Variants in BLM observed in about 807,000 individuals in gnomAD.
BLM encodes the protein recQ-like DNA helicase BLM.
A neutral mutation model predicts 135.3 loss-of-function variants in BLM; 95 were observed. The observed-to-expected ratio is 0.70, with a 90% confidence interval of 0.59 to 0.83. The LOEUF (loss-of-function observed/expected upper bound fraction) is 0.83. Ranked by LOEUF, BLM falls within the 40% of genes least tolerant of loss-of-function variation. BLM has a pLI of 0.00. For synonymous variants in BLM, 520 were observed against 589.2 expected (o/e 0.88, Z 1.70); for missense variants, 1,518 against 1,663.9 (o/e 0.91, Z 1.53).
chr15:90,773,095 C>CAAAAAA (rs780966709), intron 12 of BLM, among the ~76,000 whole-genome samples: 1 of 43,466 alleles, frequency 2.3e-5, no homozygotes. Flanking sequence ...GAGACTGTCT[C>CAAAAAA]AAAAAAAAAA....
intron 10 of BLM, among the ~76,000 whole-genome samples, chr15:90,767,502 A>C (rs77156184): frequency 0.059 from 8,920 of 152,196 alleles, 357 homozygotes; most frequent in Non-Finnish European, 0.077. Flanking sequence ...GTGATTTTGA[A>C]GTTTTTGAAG....
chr15:90,777,269 A>C (rs894988775), intron 12 of BLM, among the ~76,000 whole-genome samples: 2 of 151,988 alleles, frequency 1.3e-5, no homozygotes, highest in Non-Finnish European at 2.9e-5. Context: ...CTCCTGCCTC[A>C]GCCTCCCAAG....
At chr15:90,808,536 A>G (rs948520293) in intron 19 of BLM, among the ~76,000 whole-genome samples, 6 of 152,310 alleles carry the variant, frequency 3.9e-5, no homozygotes, top group African/African-American at 1.2e-4. Flanking sequence ...AAGTTCTTAA[A>G]CAGCAGCCAG....
chr15:90,813,110 C>T (rs1013494777), intron 21 of BLM, among the ~76,000 whole-genome samples: 7 of 152,272 alleles, frequency 4.6e-5, no homozygotes, highest in Non-Finnish European at 8.8e-5. Context: ...AAGGTAGAAG[C>T]GGACACTGGC....
At chr15:90,781,048 A>G (rs886722894) in intron 12 of BLM, among the ~76,000 whole-genome samples, 5 of 152,220 alleles carry the variant, frequency 3.3e-5, no homozygotes, top group African/African-American at 1.2e-4. Flanking sequence ...AACAGACTGA[A>G]AAGACAAGAG....
At chr15:90,776,850 A>G (rs1483219074) in intron 12 of BLM, among the ~76,000 whole-genome samples, 2 of 152,082 alleles carry the variant, frequency 1.3e-5, no homozygotes, top group Admixed American at 1.3e-4. Context: ...ATATTGTGTG[A>G]CATACTTTTA....
At chr15:90,767,440 C>T (rs925986653) in intron 10 of BLM, among the ~76,000 whole-genome samples, 11 of 152,158 alleles carry the variant, frequency 7.2e-5, no homozygotes, top group Non-Finnish European at 1.5e-4. Flanking sequence ...GCATGCATTC[C>T]GTTGTGCTTC....
intron 17 of BLM, among the ~76,000 whole-genome samples, chr15:90,799,926 T>C (rs28385125): frequency 6.6e-6 from 1 of 152,008 alleles, no homozygotes; most frequent in East Asian, 1.9e-4. Context: ...AACAAATGAC[T>C]GTTAGGAAAG....
chr15:90,814,719 C>T (rs1312428229), intron 21 of BLM, among the ~76,000 whole-genome samples: 2 of 152,204 alleles, frequency 1.3e-5, no homozygotes, highest in East Asian at 3.9e-4. Context: ...TGGGGCCTTA[C>T]AGCAAGGTGT....
At chr15:90,767,087 AT>A in intron 10 of BLM, 64 bp downstream of exon 10, 2 of 1,113,768 alleles carry the variant, frequency 1.8e-6, no homozygotes, top group Non-Finnish European at 2.5e-6. Flanking sequence ...TATTTTTAAG[AT>A]TTTAACAAAA....
At chr15:90,766,672 C>T (rs1165449115) in intron 9 of BLM, among the ~76,000 whole-genome samples, 1 of 152,214 alleles carries the variant, frequency 6.6e-6, no homozygotes, top group African/African-American at 2.4e-5. Flanking sequence ...AAGTGATCCA[C>T]CTGCCTCAGC....
At position 90,729,169 on chromosome 15, in the gene BLM, G is replaced by A. The variant is rs1296646476; in HGVS notation, c.-5+11729G>A. Among the ~76,000 whole-genome samples, 5 of 152,032 alleles carry A rather than the reference G, an allele frequency of 3.3e-5. 1 individual carries two copies. The East Asian group carries it at 7.7e-4, about 23-fold the overall frequency. ...TACTAAAAATACAAAAATTAGCCAG[G>A]CATGGTGGTACGCGCTTGTAATCCC... On this transcript the variant is annotated intron_variant, in intron 1 of 21. Transcript: ENST00000355112.
intron 19 of BLM, among the ~76,000 whole-genome samples, chr15:90,807,515 C>A (rs1897310929): frequency 6.6e-6 from 1 of 152,076 alleles, no homozygotes; most frequent in South Asian, 2.1e-4. Context: ...TCCTCCTACC[C>A]CAGCTTCCTG....
chr15:90,757,185 C>G (rs1162509145), intron 5 of BLM, among the ~76,000 whole-genome samples: 1 of 152,176 alleles, frequency 6.6e-6, no homozygotes, highest in Non-Finnish European at 1.5e-5. Flanking sequence ...GAATTTACAT[C>G]AAATCACCAG....
intron 11 of BLM, 68 bp from the exon 12 acceptor site, chr15:90,769,370 G>A (rs1041426679): frequency 1.3e-6 from 2 of 1,587,546 alleles, no homozygotes; most frequent in Admixed American, 1.7e-5. Context: ...AATACATTGA[G>A]CAGTGTTGGC....
intron 17 of BLM, among the ~76,000 whole-genome samples, chr15:90,801,267 A>G (rs139473539): frequency 1.3e-5 from 2 of 152,320 alleles, no homozygotes; most frequent in South Asian, 2.1e-4. Context: ...CATTGTTCCA[A>G]TTAGGGAAGG....
chr15:90,737,060 A>T (rs879899891), intron 1 of BLM, among the ~76,000 whole-genome samples: 2 of 145,424 alleles, frequency 1.4e-5, no homozygotes, highest in Non-Finnish European at 2.9e-5. Context: ...TGATGAATGT[A>T]ATCACCCTGA....
In BLM at chr15:90,719,119, A is replaced by G. The variant is rs1567219358; in HGVS notation, c.-5+1679A>G. 3.3e-5 allele frequency among the ~76,000 whole-genome samples: 5 copies of G among 151,892 alleles called. No individual in the cohort carries two copies. In the South Asian group the frequency reaches 1.0e-3, roughly 32 times the overall value. ...CCATTCTCCTGCCTCAGCCTCCCAA[A>G]TAGCTGGGACTACAGGCACCCACCA... On this transcript the variant is annotated intron_variant, in intron 1 of 21. Transcript: ENST00000355112.
intron 14 of BLM, among the ~76,000 whole-genome samples, chr15:90,789,709 C>T (rs915093092): frequency 6.6e-6 from 1 of 152,212 alleles, no homozygotes; most frequent in East Asian, 1.9e-4. Flanking sequence ...GAAATCATGT[C>T]ATTAGTCTCA....
Sources: gnomAD v4.1 joint callset for allele counts (sites outside exome capture counted in the v4.1 genomes callset) on GRCh38, gnomAD v4.1.1 for gene constraint, MANE v1.5 for transcripts, NCBI Gene and HGNC (gene_info 2026-07-23, HGNC 2026-07-21) for gene names.